Variants in SLC44A5 observed in about 807,000 individuals in gnomAD.
The protein encoded by SLC44A5 is choline transporter-like protein 5.
SLC44A5 carries 57 observed loss-of-function variants against 101.8 expected under a neutral mutation model. The observed-to-expected ratio is 0.56, with a 90% CI of 0.45 to 0.70. The LOEUF is 0.70. SLC44A5 is among the 30% of genes least tolerant of loss of function. SLC44A5 has a pLI of 0.00. For missense variants in SLC44A5, 737 were observed against 853.1 expected (o/e 0.86, Z 1.70); for synonymous variants, 281 against 290.9 (o/e 0.97, Z 0.35).
At chr1:75,444,483 G>GAAGAAAGAAAGAAAAAGA (rs1553181289) in intron 2 of SLC44A5, among the ~76,000 whole-genome samples, 3 of 140,656 alleles carry the variant, frequency 2.1e-5, no homozygotes, top group Non-Finnish European at 4.6e-5. Context: ...GAGAAAGAAA[G>GAAGAAAGAAAGAAAAAGA]AAGAAAGAAA....
chr1:75,481,190 T>C (rs1667821231), intron 2 of SLC44A5, among the ~76,000 whole-genome samples: 1 of 152,228 alleles, frequency 6.6e-6, no homozygotes, highest in Admixed American at 6.5e-5. Flanking sequence ...CTGGGAAAAC[T>C]GGCTAGCCAT....
At chr1:75,682,553 T>C in the SLC44A5 span, among the ~76,000 whole-genome samples, 4 of 152,040 alleles carry the variant, frequency 2.6e-5, no homozygotes, top group African/African-American at 4.8e-5. Flanking sequence ...GCTAGACATA[T>C]GTAGAAAGCT....
chr1:75,545,320 G>A (rs531591528), intron 1 of SLC44A5, among the ~76,000 whole-genome samples: 8 of 152,234 alleles, frequency 5.3e-5, no homozygotes, highest in Non-Finnish European at 1.0e-4. Flanking sequence ...ATAAACATAC[G>A]TGTTCATGTG....
chr1:75,576,598 GT>G (rs1419931053), intron 1 of SLC44A5, among the ~76,000 whole-genome samples: 14 of 152,062 alleles, frequency 9.2e-5, no homozygotes, highest in African/African-American at 2.9e-4. Flanking sequence ...GATTACAGGC[GT>G]TGAGCCACCG....
intron 2 of SLC44A5, among the ~76,000 whole-genome samples, chr1:75,418,470 T>TA (rs1660955203): frequency 1.3e-5 from 2 of 151,898 alleles, no homozygotes; most frequent in Non-Finnish European, 2.9e-5. Context: ...GTTCAGGGGG[T>TA]AAAAAATCAC....
intron 2 of SLC44A5, among the ~76,000 whole-genome samples, chr1:75,444,773 A>G (rs753322682): frequency 4.9e-4 from 75 of 152,120 alleles, no homozygotes; most frequent in Non-Finnish European, 7.6e-4. Flanking sequence ...GAGGCAGTCC[A>G]CTTGTTTTAG....
chr1:75,531,202 C>T (rs1007646051), intron 2 of SLC44A5, among the ~76,000 whole-genome samples: 6 of 152,142 alleles, frequency 3.9e-5, no homozygotes, highest in Non-Finnish European at 1.5e-5. Flanking sequence ...TTTTTTAAAG[C>T]CTGTCCATAA....
At chr1:75,362,122 C>T (rs563336166) in intron 3 of SLC44A5, among the ~76,000 whole-genome samples, 2 of 151,636 alleles carry the variant, frequency 1.3e-5, no homozygotes, top group Admixed American at 6.6e-5. Context: ...TCTTATGATC[C>T]TTTGTGTTTC....
At chr1:75,723,491 G>A in the SLC44A5 span, among the ~76,000 whole-genome samples, 1 of 152,088 alleles carries the variant, frequency 6.6e-6, no homozygotes, top group Admixed American at 6.6e-5. Flanking sequence ...CTCCATCTTC[G>A]CTTCTCTGCC....
At chr1:75,488,070 G>C (rs1452560394) in intron 2 of SLC44A5, among the ~76,000 whole-genome samples, 1 of 151,988 alleles carries the variant, frequency 6.6e-6, no homozygotes, top group Non-Finnish European at 1.5e-5. Flanking sequence ...ATCTGTTGCT[G>C]TCTCCCATCA....
chr1:75,682,330 C>T, the SLC44A5 span, among the ~76,000 whole-genome samples: 1 of 152,026 alleles, frequency 6.6e-6, no homozygotes, highest in African/African-American at 2.4e-5. Context: ...AAGCTGGAGG[C>T]ATCACACTAC....
intron 2 of SLC44A5, among the ~76,000 whole-genome samples, chr1:75,404,917 T>C (rs1185451599): frequency 6.6e-6 from 1 of 152,060 alleles, no homozygotes; most frequent in Non-Finnish European, 1.5e-5. Context: ...GGATAAAGAG[T>C]CAAGACCCAT....
intron 1 of SLC44A5, among the ~76,000 whole-genome samples, chr1:75,554,931 A>G (rs537338053): frequency 1.3e-5 from 2 of 152,276 alleles, no homozygotes; most frequent in African/African-American, 4.8e-5. Flanking sequence ...AGAAGCTAAT[A>G]GAGAAAATAA....
chr1:75,468,799 A>G (rs897406593), intron 2 of SLC44A5, among the ~76,000 whole-genome samples: 4 of 152,210 alleles, frequency 2.6e-5, no homozygotes, highest in African/African-American at 9.6e-5. Flanking sequence ...ATTTAATTGT[A>G]CATGTAAAAA....
chr1:75,243,353 T>C (rs1648820846), intron 7 of SLC44A5, among the ~76,000 whole-genome samples: 1 of 151,878 alleles, frequency 6.6e-6, no homozygotes, highest in Non-Finnish European at 1.5e-5. Context: ...CCCAGGCTGG[T>C]CTCAAACTCC....
intron 6 of SLC44A5, among the ~76,000 whole-genome samples, chr1:75,259,673 C>T (rs532292507): frequency 6.6e-6 from 1 of 152,058 alleles, no homozygotes; most frequent in Non-Finnish European, 1.5e-5. Flanking sequence ...TCAGGAAATA[C>T]AGAAAACACC....
chr1:75,306,901 A>AT (rs1157778754), intron 4 of SLC44A5, among the ~76,000 whole-genome samples: 8 of 150,582 alleles, frequency 5.3e-5, no homozygotes, highest in Admixed American at 6.6e-5. Flanking sequence ...CGCCCGGCTA[A>AT]TTTTTTTTGT....
At chr1:75,529,664 C>A (rs1048193287) in intron 2 of SLC44A5, among the ~76,000 whole-genome samples, 1 of 152,116 alleles carries the variant, frequency 6.6e-6, no homozygotes, top group Admixed American at 6.5e-5. Flanking sequence ...AGAAAAATTG[C>A]ATCTCTTTGG....
intron 2 of SLC44A5, among the ~76,000 whole-genome samples, chr1:75,414,406 A>C (rs1180256426): frequency 6.6e-6 from 1 of 151,906 alleles, no homozygotes; most frequent in African/African-American, 2.4e-5. Flanking sequence ...AAACCTTTCA[A>C]AGATTCTTTT....
Sources: allele counts gnomAD v4.1 joint callset (sites outside exome capture counted in the v4.1 genomes callset), GRCh38; gene constraint gnomAD v4.1.1; transcripts MANE v1.5; gene names NCBI Gene and HGNC (gene_info 2026-07-23, HGNC 2026-07-21).